Variants in PPP3R1 observed in about 807,000 individuals in gnomAD.
The protein encoded by PPP3R1 is calcineurin subunit B type 1.
A neutral mutation model predicts 22.6 loss-of-function variants in PPP3R1; 5 were observed. The ratio of observed to expected loss-of-function variants is 0.22; its 90% CI spans 0.12 to 0.46. The LOEUF is 0.46. Ranked by LOEUF, PPP3R1 falls within the 20% of genes least tolerant of loss-of-function variation. The pLI is 0.99. For synonymous variants in PPP3R1, 56 were observed against 65.2 expected (o/e 0.86, Z 0.68); for missense variants, 61 against 203.2 (o/e 0.30, Z 4.25).
intron 1 of PPP3R1, among the ~76,000 whole-genome samples, chr2:68,241,445 T>C (rs1170361848): frequency 2.0e-5 from 3 of 152,144 alleles, no homozygotes; most frequent in African/African-American, 7.2e-5. Flanking sequence ...CTAAATAAGG[T>C]CTAGAGAGCT....
chr2:68,179,360 G>A lies in PPP3R1; in HGVS notation c.*1603C>T, dbSNP rs1674355905. ...AATTATGCAAATTATGTAAACAAGA[G>A]GTACATTTTAAATTGATCTACATGC... On this transcript the variant is annotated 3_prime_UTR_variant, in exon 6 of 6. Coordinates refer to ENST00000234310, the MANE Select transcript of PPP3R1 (RefSeq NM_000945.4). The A allele has an allele frequency of 6.6e-6, 1 of 152,522 alleles. No individual in the cohort carries two copies. The highest frequency in any genetic ancestry group is 1.5e-5 in the Non-Finnish European group (1 of 68,034). The allele number at this position is 152,522 out of a possible 1,614,324, so 9.4% of individuals were successfully genotyped here.
intron 2 of PPP3R1, among the ~76,000 whole-genome samples, chr2:68,213,805 T>C (rs1669527090): frequency 6.6e-6 from 1 of 152,228 alleles, no homozygotes; most frequent in Non-Finnish European, 1.5e-5. Flanking sequence ...ACCAATGACA[T>C]TCTTCACAGA....
At chr2:68,211,695 C>G (rs1247863537) in intron 2 of PPP3R1, among the ~76,000 whole-genome samples, 2 of 152,198 alleles carry the variant, frequency 1.3e-5, no homozygotes, top group Non-Finnish European at 2.9e-5. Flanking sequence ...TCAAACCCTG[C>G]TGCTGCTTTA....
At position 68,185,634 on chromosome 2, in the gene PPP3R1, T is replaced by C. The variant is rs1674530819; in HGVS notation, c.465+834A>G. Among the ~76,000 whole-genome samples the C allele has an allele frequency of 2.0e-5, 3 of 151,982 alleles. No homozygotes were observed. The South Asian group carries it at 6.2e-4, about 31-fold the overall frequency. ...TTTGAAAACTGGCTGCTATTTATGATGGCACAACCAGCCTGGTCTCATGTC... is the reference window on the plus strand; with the variant it reads ...TTTGAAAACTGGCTGCTATTTATGACGGCACAACCAGCCTGGTCTCATGTC... On this transcript the variant is annotated intron_variant, in intron 5 of 5. Transcript: ENST00000234310.
chr2:68,229,355 A>G (rs1364070475), intron 1 of PPP3R1, among the ~76,000 whole-genome samples: 6 of 152,128 alleles, frequency 3.9e-5, no homozygotes, highest in African/African-American at 7.2e-5. Flanking sequence ...TCCTTGGTAT[A>G]TGTTCTCTGG....
chr2:68,202,434 TTG>T lies in PPP3R1; in HGVS notation c.44-13746_44-13745del, dbSNP rs1675001014. 3.5e-5 allele frequency among the ~76,000 whole-genome samples: 5 copies of T among 144,922 alleles called. No homozygotes were observed. In the South Asian group the frequency reaches 6.4e-4, roughly 18 times the overall value. Reference sequence around the variant, plus strand: ...GTTGTTGTTGTTGTTGTTGTTGTTGTTGTTTTTTGAGATGGAGTCTCGCTCTG... The same window carrying T: ...GTTGTTGTTGTTGTTGTTGTTGTTGTTTTTTTGAGATGGAGTCTCGCTCTG... On this transcript the variant is annotated intron_variant, in intron 2 of 5. Transcript: ENST00000234310.
At chr2:68,207,106 A>C (rs1204930171) in intron 2 of PPP3R1, among the ~76,000 whole-genome samples, 2 of 113,316 alleles carry the variant, frequency 1.8e-5, no homozygotes, top group Non-Finnish European at 4.1e-5. Context: ...TTTTGGGAAA[A>C]AAAAAAGCAA....
chr2:68,198,441 A>G lies in PPP3R1; in HGVS notation c.44-9751T>C, dbSNP rs1400157084. Among the ~76,000 whole-genome samples the G allele has an allele frequency of 1.0e-4, 15 of 148,958 alleles. No individual in the cohort carries two copies. The East Asian group carries it at 1.6e-3, about 16-fold the overall frequency. ...CATATATACGTATATATGCGTGTGT[A>G]TATATGTATATACATATATACGTAT... On this transcript the variant is annotated intron_variant, in intron 2 of 5. Coordinates refer to ENST00000234310, the MANE Select transcript of PPP3R1 (RefSeq NM_000945.4).
chr2:68,187,737 T>A (rs956986304), intron 3 of PPP3R1, among the ~76,000 whole-genome samples: 1 of 152,178 alleles, frequency 6.6e-6, no homozygotes, highest in Non-Finnish European at 1.5e-5. Flanking sequence ...TCATGACAAA[T>A]GATCATTTTT....
intron 1 of PPP3R1, among the ~76,000 whole-genome samples, chr2:68,235,506 A>G (rs1217801479): frequency 1.3e-5 from 2 of 152,180 alleles, no homozygotes; most frequent in Non-Finnish European, 2.9e-5. Context: ...GAGTATTTTC[A>G]AGGTTAATCT....
At chr2:68,198,400 T>TGC (rs776105452) in intron 2 of PPP3R1, among the ~76,000 whole-genome samples, 5,832 of 111,906 alleles carry the variant, frequency 0.052, 841 homozygotes, top group African/African-American at 0.19. Flanking sequence ...TATGTATATA[T>TGC]ATGTGTATGT....
chr2:68,218,274 T>C (rs1669617025), intron 1 of PPP3R1, among the ~76,000 whole-genome samples: 1 of 152,128 alleles, frequency 6.6e-6, no homozygotes. Context: ...TATGACTGGC[T>C]GGCTTTTAAA....
At chr2:68,231,390 G>T (rs150767924) in intron 1 of PPP3R1, among the ~76,000 whole-genome samples, 1 of 149,520 alleles carries the variant, frequency 6.7e-6, no homozygotes, top group Admixed American at 6.6e-5. Flanking sequence ...TTTCATGTAC[G>T]TCAGTTTTTT....
intron 1 of PPP3R1, among the ~76,000 whole-genome samples, chr2:68,244,494 A>C (rs933793932): frequency 6.6e-6 from 1 of 152,152 alleles, no homozygotes; most frequent in African/African-American, 2.4e-5. Context: ...ACCTGCTATG[A>C]ACTCCATTAT....
chr2:68,198,242 T>C (rs1021648739), intron 2 of PPP3R1, among the ~76,000 whole-genome samples: 4 of 51,212 alleles, frequency 7.8e-5, no homozygotes, highest in South Asian at 1.4e-3. Flanking sequence ...TGTATACACA[T>C]ATGTACATAC....
intron 1 of PPP3R1, among the ~76,000 whole-genome samples, chr2:68,237,909 T>C (rs1238150363): frequency 6.6e-6 from 1 of 152,182 alleles, no homozygotes; most frequent in Non-Finnish European, 1.5e-5. Flanking sequence ...GTAAACACTG[T>C]TCATAAATTT....
Position 68,180,681 on chromosome 2 carries a change from A to C in PPP3R1, c.*282T>G. 3.8e-6 allele frequency: 1 copy of C among 265,782 alleles called. No homozygotes were observed. The highest frequency in any genetic ancestry group is 5.0e-5 in the Admixed American group (1 of 19,910). The allele number at this position is 265,782 out of a possible 1,614,324, so 16.5% of individuals were successfully genotyped here. A position where few individuals can be genotyped will look rare whatever the true frequency, so the allele number is the denominator to read the frequency against. On this transcript the variant is annotated 3_prime_UTR_variant, in exon 6 of 6. Transcript: ENST00000234310. Reference sequence around the variant, plus strand: ...GATACTTTCTTGTTATAAAAGATGAAGAAAAATAAATTAAAAAGCCAACCC... The same window carrying C: ...GATACTTTCTTGTTATAAAAGATGACGAAAAATAAATTAAAAAGCCAACCC...
chr2:68,202,355 A>G (rs934211073), intron 2 of PPP3R1, among the ~76,000 whole-genome samples: 6 of 152,208 alleles, frequency 3.9e-5, no homozygotes, highest in Non-Finnish European at 7.3e-5. Flanking sequence ...CCAAAATTTG[A>G]CAGTGTGGAT....
At chr2:68,215,167 C>G (rs1351090647) in intron 2 of PPP3R1, among the ~76,000 whole-genome samples, 1 of 152,138 alleles carries the variant, frequency 6.6e-6, no homozygotes, top group East Asian at 1.9e-4. Flanking sequence ...GATCAATAAA[C>G]GACCTATCAG....
Sources: allele counts gnomAD v4.1 joint callset (sites outside exome capture counted in the v4.1 genomes callset), GRCh38; gene constraint gnomAD v4.1.1; transcripts MANE v1.5; gene names NCBI Gene and HGNC (gene_info 2026-07-23, HGNC 2026-07-21).